DSE: variants seen among roughly 807,000 people sequenced by gnomAD.
The protein encoded by DSE is dermatan sulfate epimerase, also known as dermatan-sulfate epimerase.
In DSE, 36 loss-of-function variants were observed where a neutral mutation model predicts 84.4. That is an observed-to-expected ratio of 0.43 (90% CI 0.33 to 0.56). The LOEUF is 0.56. Among genes scored for constraint, DSE ranks in the 20% least tolerant of loss-of-function variants. The probability of loss-of-function intolerance (pLI) is 0.06; values close to 1 mark genes in which losing one functional copy is unlikely to be tolerated. For synonymous variants in DSE, 410 were observed against 430.1 expected (o/e 0.95, Z 0.58); for missense variants, 862 against 1,169.6 (o/e 0.74, Z 3.84).
At chr6:116,277,538 G>GT (rs758708781) in intron 2 of DSE, 2 of 152,346 alleles carry the variant, frequency 1.3e-5, no homozygotes, top group South Asian at 4.1e-4. Context: ...GGGGAGGGGC[G>GT]TAAGAGCTCT....
rs1399661065 is a variant in DSE, at chr6:116,279,921, C to T, written c.-54+20954C>T. On this transcript the variant is annotated intron_variant, in intron 2 of 3. Coordinates refer to the DSE transcript ENST00000430252. ...ACCGCCGCTCGCACCGCCCACCCTA[C>T]AGTCTCACTAACATTTCAGCGGCGG... 3 of 1,561,350 alleles carry T rather than the reference C, an allele frequency of 1.9e-6. No homozygotes were observed. The African/African-American group carries it at 4.1e-5, about 21-fold the overall frequency.
intron 4 of DSE, 192 bp from the exon 5 acceptor site, chr6:116,433,151 T>C (rs1400716882): frequency 3.3e-6 from 2 of 606,172 alleles, no homozygotes; most frequent in East Asian, 2.9e-5. Flanking sequence ...ACACAACATA[T>C]GTGGAAGACC....
rs370128037 is a variant in DSE, at chr6:116,278,700, G to A, written c.-54+19733G>A. 10 of 1,614,188 alleles carry A rather than the reference G, an allele frequency of 6.2e-6. No individual in the cohort carries two copies. In the South Asian group the frequency reaches 1.1e-4, roughly 18 times the overall value. On this transcript the variant is annotated intron_variant, in intron 2 of 3. Coordinates refer to the DSE transcript ENST00000430252. ...GGCTGTGGTCTGAAAACCAAGTGAA[G>A]AAGCTGCAGATGAGGTCTTGGTTTC...
intron 2 of DSE, among the ~76,000 whole-genome samples, chr6:116,309,607 A>G (rs1775555016): frequency 6.6e-6 from 1 of 152,244 alleles, no homozygotes. Flanking sequence ...AGACTAGGTA[A>G]TTTATAAAGA....
At chr6:116,331,572 G>A (rs563097556) in intron 2 of DSE, among the ~76,000 whole-genome samples, 9 of 152,160 alleles carry the variant, frequency 5.9e-5, no homozygotes, top group Admixed American at 1.3e-4. Context: ...GGTTCTGGGC[G>A]GGGACAGAGC....
chr6:116,408,292 C>T (rs981552109), intron 2 of DSE, among the ~76,000 whole-genome samples: 3 of 152,278 alleles, frequency 2.0e-5, no homozygotes, highest in African/African-American at 7.2e-5. Flanking sequence ...CCATGCAAAA[C>T]TGTTATAGGT....
chr6:116,353,329 G>A (rs890887264), intron 2 of DSE, among the ~76,000 whole-genome samples: 13 of 152,152 alleles, frequency 8.5e-5, no homozygotes, highest in African/African-American at 3.1e-4. Context: ...GTGCATGTGT[G>A]TGTTAGGTAA....
In DSE at chr6:116,437,090, C is replaced by G; in HGVS notation, c.2622C>G (p.Gly874=). The G allele has an allele frequency of 1.2e-6, 2 of 1,613,998 alleles. No homozygotes were observed. Among genetic ancestry groups the G allele is most frequent in the Non-Finnish European group, 1.7e-6 (2 of 1,180,002 alleles). ...CATACGAGAAACATAAAAATGGGGG[C>G]TTGATTAAAGGCCGGTTTGGACAGG... ...DVTYEKHKNG[G]LIKGRFGQAR... is the part of the protein sequence containing the mutation. The change falls in exon 6 of 6, where the codon GGC becomes GGG. Residue 874 remains glycine (G), a synonymous_variant. Transcript: ENST00000644252.
In DSE at chr6:116,436,968, A is replaced by G. The variant is rs760233377; in HGVS notation, c.2500A>G (p.Lys834Glu). Reference protein sequence around the residue: ...DIFAQIEVNEKKIRQKAQILA... With the variant: ...DIFAQIEVNEEKIRQKAQILA... ...TTTTGCACAGATTGAAGTCAATGAGAAAAAGATTAGACAGAAAGCTCAGAT... is the reference window on the plus strand; with the variant it reads ...TTTTGCACAGATTGAAGTCAATGAGGAAAAGATTAGACAGAAAGCTCAGAT... Residue 834 changes from lysine (K) to glutamate (E), a missense_variant, in exon 6 of 6, where the codon AAA becomes GAA. Lys to Glu is a moderately conservative substitution (Grantham distance 56). This residue lies in a region of DSE where 315 missense variants were observed against 348.1 expected (regional missense o/e 0.90). Transcript: ENST00000644252. 27 of 1,613,928 alleles carry G rather than the reference A, an allele frequency of 1.7e-5. No individual in the cohort carries two copies. Among genetic ancestry groups the G allele is most frequent in the Non-Finnish European group, 2.2e-5 (26 of 1,180,008 alleles).
intron 2 of DSE, among the ~76,000 whole-genome samples, chr6:116,345,140 GAGACTT>G: frequency 6.6e-6 from 1 of 152,256 alleles, no homozygotes; most frequent in Non-Finnish European, 1.5e-5. Context: ...GACCTACAAA[GAGACTT>G]AGACTCCCAC....
At chr6:116,343,574 GCTGAGGGTC>G (rs1282579876) in intron 2 of DSE, among the ~76,000 whole-genome samples, 1 of 152,218 alleles carries the variant, frequency 6.6e-6, no homozygotes, top group Non-Finnish European at 1.5e-5. Flanking sequence ...CAGACCTGCA[GCTGAGGGTC>G]CTGACTGTTA....
In DSE at chr6:116,399,199, A is replaced by G; in HGVS notation, c.-52A>G. ...TTTTTTCCTTTTTATCTCACGTAGG[A>G]TCTTTCGAAGATGGTTTGGCTGCCT... is the stretch of plus-strand genomic sequence containing the variant. On this transcript the variant is annotated splice_region_variant and 5_prime_UTR_variant, in exon 2 of 6. Transcript: ENST00000644252. 2.6e-5 allele frequency: 42 copies of G among 1,609,416 alleles called. No individual in the cohort carries two copies. Among genetic ancestry groups the G allele is most frequent in the Non-Finnish European group, 3.6e-5 (42 of 1,179,568 alleles).
intron 2 of DSE, among the ~76,000 whole-genome samples, chr6:116,365,332 C>T (rs1051968688): frequency 2.6e-5 from 4 of 152,130 alleles, no homozygotes; most frequent in African/African-American, 9.7e-5. Context: ...CGGCTCACTG[C>T]AAGCTCCGCC....
chr6:116,403,408 T>C (rs1781722654), intron 2 of DSE, among the ~76,000 whole-genome samples: 1 of 151,400 alleles, frequency 6.6e-6, no homozygotes, highest in Non-Finnish European at 1.5e-5. Flanking sequence ...TTTAATTTAA[T>C]AAATTTTATT....
chr6:116,322,902 T>C (rs1776411402), intron 2 of DSE, among the ~76,000 whole-genome samples: 1 of 152,164 alleles, frequency 6.6e-6, no homozygotes, highest in African/African-American at 2.4e-5. Flanking sequence ...CTGCACTCCA[T>C]GTAGAGCAAG....
At chr6:116,370,075 G>A, upstream of DSE, 2 of 736,434 alleles carry the variant, frequency 2.7e-6, no homozygotes, top group Non-Finnish European at 3.9e-6. Context: ...GTTGGACCTG[G>A]CTGAGCGTGT....
chr6:116,388,830 T>G (rs1368782044), intron 1 of DSE, among the ~76,000 whole-genome samples: 1 of 152,164 alleles, frequency 6.6e-6, no homozygotes, highest in Non-Finnish European at 1.5e-5. Context: ...AGAAGTAGAT[T>G]GGTAATTGCT....
intron 2 of DSE, among the ~76,000 whole-genome samples, chr6:116,268,493 A>G (rs1183397159): frequency 6.6e-6 from 1 of 152,224 alleles, no homozygotes; most frequent in African/African-American, 2.4e-5. Flanking sequence ...GCTATGTTCT[A>G]GACTTAAAAA....
At chr6:116,343,512 C>G (rs1052211903) in intron 2 of DSE, among the ~76,000 whole-genome samples, 1 of 152,240 alleles carries the variant, frequency 6.6e-6, no homozygotes, top group African/African-American at 2.4e-5. Flanking sequence ...GCAGCATCCA[C>G]TGGTGATACC....
Sources: allele counts gnomAD v4.1 joint callset (sites outside exome capture counted in the v4.1 genomes callset), GRCh38; gene constraint gnomAD v4.1.1; regional missense constraint gnomAD v4.1.1; transcripts MANE v1.5; gene names NCBI Gene and HGNC (gene_info 2026-07-23, HGNC 2026-07-21).